HDAC4: variants seen among roughly 807,000 people sequenced by gnomAD.
HDAC4 encodes histone deacetylase 4, also known as histone deacetylase A.
In HDAC4, 16 loss-of-function variants were observed where a neutral mutation model predicts 135.1. The ratio of observed to expected loss-of-function variants is 0.12; its 90% CI spans 0.08 to 0.18. The LOEUF (loss-of-function observed/expected upper bound fraction) is 0.18, where lower values mean the gene tolerates loss of function less well. Ranked by LOEUF, HDAC4 falls within the 10% of genes least tolerant of loss-of-function variation. The pLI is 1.00. For missense variants in HDAC4, 1,143 were observed against 1,511.8 expected, an observed-to-expected ratio of 0.76 and a Z score of 4.05; for synonymous variants, 685 against 653.4, an observed-to-expected ratio of 1.05 and a Z score of -0.74.
At chr2:239,346,658 CTT>C (rs1270371679) in intron 2 of HDAC4, among the ~76,000 whole-genome samples, 1 of 149,004 alleles carries the variant, frequency 6.7e-6, no homozygotes, top group Non-Finnish European at 1.5e-5. Context: ...ACACCCATAT[CTT>C]AATACAGTCT....
chr2:239,247,534 C>T (rs144392488), intron 2 of HDAC4, among the ~76,000 whole-genome samples: 2 of 152,330 alleles, frequency 1.3e-5, no homozygotes, highest in Non-Finnish European at 2.9e-5. Flanking sequence ...GTGCCCTCCA[C>T]GCCAGGGCAT....
intron 2 of HDAC4, among the ~76,000 whole-genome samples, chr2:239,347,753 G>T (rs1054232350): frequency 6.6e-6 from 1 of 152,166 alleles, no homozygotes; most frequent in Non-Finnish European, 1.5e-5. Flanking sequence ...GACCTCAAAT[G>T]ATCTGCCCAC....
rs1039302909 is a variant in HDAC4 at position 239,141,009 on chromosome 2, C to T, written c.866-1213G>A. 5.3e-6 allele frequency: 2 copies of T among 375,462 alleles called. No individual in the cohort carries two copies. The highest frequency in any genetic ancestry group is 4.3e-5 in the African/African-American group (2 of 46,422). The allele number at this position is 375,462 out of a possible 1,614,324, so 23.3% of individuals were successfully genotyped here. On this transcript the variant is annotated intron_variant, in intron 8 of 26. Transcript: ENST00000543185. The surrounding 1 kb of genome is among the most constrained non-coding windows in gnomAD (Gnocchi z 4.9). ...CCAACCTGGCAGACCTGATTCCAAA[C>T]TTTGCCTTTATTAGCTCATCCATCT...
intron 1 of HDAC4, among the ~76,000 whole-genome samples, chr2:239,366,715 TCATTTAA>T (rs895556198): frequency 6.6e-6 from 1 of 152,068 alleles, no homozygotes; most frequent in Admixed American, 6.5e-5. Flanking sequence ...GCTCAATGGA[TCATTTAA>T]CATCAACTGC....
At chr2:239,096,373 C>CCCA (rs2037045862) in intron 16 of HDAC4, among the ~76,000 whole-genome samples, 5 of 134,708 alleles carry the variant, frequency 3.7e-5, no homozygotes, top group East Asian at 2.3e-4. Flanking sequence ...GCCTGCAACC[C>CCCA]CCCCCGACAC....
chr2:239,127,199 T>C (rs2152854203), intron 11 of HDAC4, among the ~76,000 whole-genome samples: 1 of 152,350 alleles, frequency 6.6e-6, no homozygotes, highest in South Asian at 2.1e-4. Context: ...TTTTAAGGTC[T>C]CTTCGAGCAC....
At chr2:239,193,788 A>C (rs1483146472) in intron 3 of HDAC4, among the ~76,000 whole-genome samples, 1 of 152,220 alleles carries the variant, frequency 6.6e-6, no homozygotes, top group African/African-American at 2.4e-5. Context: ...GCCGAGTGGA[A>C]TTTTCTTTCT....
intron 22 of HDAC4, among the ~76,000 whole-genome samples, chr2:239,072,228 C>T (rs764664474): frequency 1.6e-4 from 25 of 152,328 alleles, no homozygotes; most frequent in Middle Eastern, 3.4e-3. Context: ...TAGATCCTGT[C>T]CAGATATAAC....
intron 3 of HDAC4, among the ~76,000 whole-genome samples, chr2:239,193,032 C>T (rs1242321280): frequency 1.3e-5 from 2 of 152,222 alleles, no homozygotes; most frequent in Non-Finnish European, 2.9e-5. Context: ...TTAGCTTGAA[C>T]AAATAAGCAC....
At chr2:239,131,451 C>T (rs775554370) in intron 11 of HDAC4, among the ~76,000 whole-genome samples, 1 of 152,178 alleles carries the variant, frequency 6.6e-6, no homozygotes. Context: ...CAGGAAAGGG[C>T]AGAACATGGA....
At position 239,306,368 on chromosome 2, in the gene HDAC4, T is replaced by A. The variant is rs1478408017; in HGVS notation, c.22+46310A>T. Among the ~76,000 whole-genome samples, 1 of 151,908 alleles carries A rather than the reference T, an allele frequency of 6.6e-6. No homozygotes were observed. Among genetic ancestry groups the A allele is most frequent in the Non-Finnish European group, 1.5e-5 (1 of 67,962 alleles). ...GTGACTACAACAGAGGACACAGCCT[T>A]CCAGTGGACACGAGGACCTCAGAGG... On this transcript the variant is annotated intron_variant, in intron 2 of 26. Transcript: ENST00000543185. This position sits in a 1 kb window ranked among gnomAD's most constrained non-coding sequence, Gnocchi z 4.5.
At chr2:239,160,446 A>G (rs944355176) in intron 6 of HDAC4, among the ~76,000 whole-genome samples, 3 of 152,206 alleles carry the variant, frequency 2.0e-5, no homozygotes, top group Admixed American at 6.5e-5. Flanking sequence ...GACTCACGTA[A>G]ACACCCACAG....
chr2:239,077,809 G>GCAGCAACA (rs887272374), intron 22 of HDAC4, among the ~76,000 whole-genome samples: 2 of 152,186 alleles, frequency 1.3e-5, no homozygotes, highest in African/African-American at 2.4e-5. Flanking sequence ...GGCAGCAACA[G>GCAGCAACA]CAGCAACACA....
intron 16 of HDAC4, among the ~76,000 whole-genome samples, chr2:239,099,801 C>T (rs1392217305): frequency 2.0e-5 from 3 of 152,234 alleles, no homozygotes; most frequent in African/African-American, 7.2e-5. Context: ...CTCAGACTTC[C>T]TGGCCGCCAC....
intron 1 of HDAC4, among the ~76,000 whole-genome samples, chr2:239,384,051 C>T (rs1695614538): frequency 6.6e-6 from 1 of 152,216 alleles, no homozygotes; most frequent in African/African-American, 2.4e-5. Flanking sequence ...CCACGAACAG[C>T]CCGGACACAG....
intron 4 of HDAC4, among the ~76,000 whole-genome samples, chr2:239,180,119 C>A (rs1042064083): frequency 1.2e-4 from 19 of 152,164 alleles, no homozygotes; most frequent in African/African-American, 4.6e-4. Flanking sequence ...GAGGCCCGAG[C>A]CGACTGGCAA....
intron 24 of HDAC4, among the ~76,000 whole-genome samples, chr2:239,066,094 C>T (rs1468044039): frequency 6.6e-6 from 1 of 151,982 alleles, no homozygotes; most frequent in Non-Finnish European, 1.5e-5. Context: ...GGCCCGGGCC[C>T]CAGCGTCATG....
intron 2 of HDAC4, among the ~76,000 whole-genome samples, chr2:239,323,440 T>C (rs1367684182): frequency 2.6e-5 from 4 of 152,196 alleles, no homozygotes; most frequent in Non-Finnish European, 5.9e-5. Context: ...AGACTACATC[T>C]TAACTTTTGA....
chr2:239,212,068 C>T (rs1043350207), intron 3 of HDAC4, among the ~76,000 whole-genome samples: 7 of 152,096 alleles, frequency 4.6e-5, no homozygotes, highest in East Asian at 1.9e-4. Flanking sequence ...CTAATGTGAC[C>T]GATGGGAAGG....
Sources: allele counts gnomAD v4.1 joint callset (sites outside exome capture counted in the v4.1 genomes callset), GRCh38; gene constraint gnomAD v4.1.1; non-coding constraint Gnocchi (gnomAD v3.1); transcripts MANE v1.5; gene names NCBI Gene and HGNC (gene_info 2026-07-23, HGNC 2026-07-21).